Variants in ECD observed in about 807,000 individuals in gnomAD.
ECD encodes the protein protein ecdysoneless homolog.
A neutral mutation model predicts 77.2 loss-of-function variants in ECD; 59 were observed. The observed-to-expected ratio is 0.76, with a 90% CI of 0.62 to 0.95. The LOEUF is 0.95. ECD is among the 40% of genes least tolerant of loss of function. The probability of loss-of-function intolerance (pLI) is 0.00; values close to 1 mark genes in which losing one functional copy is unlikely to be tolerated. For missense variants in ECD, 704 were observed against 763.4 expected (o/e 0.92, Z 0.92); for synonymous variants, 233 against 267.4 (o/e 0.87, Z 1.26).
intron 3 of ECD, among the ~76,000 whole-genome samples, chr10:73,159,736 C>G (rs1260020460): frequency 6.7e-6 from 1 of 150,178 alleles, no homozygotes; most frequent in Non-Finnish European, 1.5e-5. Context: ...CTCCGCCTCC[C>G]AGGTTCAAGC....
chr10:73,137,240 C>T (rs1300934992), intron 12 of ECD, among the ~76,000 whole-genome samples: 2 of 151,966 alleles, frequency 1.3e-5, no homozygotes, highest in Non-Finnish European at 2.9e-5. Flanking sequence ...TTGATGTAAA[C>T]ATTCAAGCCA....
intron 1 of ECD, among the ~76,000 whole-genome samples, chr10:73,166,743 T>C (rs1843473676): frequency 6.6e-6 from 1 of 152,222 alleles, no homozygotes; most frequent in Non-Finnish European, 1.5e-5. Context: ...TTGCAAATAT[T>C]TTCTCCCATT....
intron 3 of ECD, among the ~76,000 whole-genome samples, chr10:73,158,996 G>T (rs1843339840): frequency 6.6e-6 from 1 of 152,192 alleles, no homozygotes. Context: ...AGGATCAAAT[G>T]ACAGCTACAG....
Position 73,135,229 on chromosome 10 carries a change from G to A in ECD, c.1705-416C>T, listed in dbSNP as rs541540595. Reference sequence around the variant, plus strand: ...GCGAGTGTTCCTTTCTTTCCCCCCAGTGAAAAAGCTTAAAAGTAAAAACAC... The same window carrying A: ...GCGAGTGTTCCTTTCTTTCCCCCCAATGAAAAAGCTTAAAAGTAAAAACAC... On this transcript the variant is annotated intron_variant, in intron 13 of 13. Transcript: ENST00000372979. Among the ~76,000 whole-genome samples, 5 of 152,202 alleles carry A rather than the reference G, an allele frequency of 3.3e-5. No individual in the cohort carries two copies. In the South Asian group the frequency reaches 1.0e-3, roughly 32 times the overall value.
intron 7 of ECD, among the ~76,000 whole-genome samples, chr10:73,151,400 A>G (rs1285044501): frequency 2.3e-5 from 3 of 131,478 alleles, no homozygotes; most frequent in Non-Finnish European, 4.9e-5. Context: ...GGGGGGAGGG[A>G]CAGCATTAGG....
Position 73,154,419 on chromosome 10 carries a change from T to C in ECD, c.620A>G (p.His207Arg), listed in dbSNP as rs1284519913. ...GYPEKIQASL[H>R]RAHCFLPAGI... is the part of the protein sequence containing the mutation. ...AGCTGGAAGGAAGCAGTGTGCTCGA[T>C]GAAGTGAGGCCTGAATTTTTTCTGG... is the stretch of plus-strand genomic sequence containing the variant. The change falls in exon 6 of 14, where the codon CAT becomes CGT. Residue 207 changes from histidine to arginine, a missense_variant. His to Arg is a conservative substitution (Grantham distance 29, BLOSUM62 0). Around this residue, in one of 3 missense-constraint regions of ECD, gnomAD observed 559 missense variants for 583.7 expected, o/e 0.96. Transcript: ENST00000372979. The C allele has an allele frequency of 6.8e-6, 11 of 1,612,168 alleles. No homozygotes were observed. The highest frequency in any genetic ancestry group is 9.3e-6 in the Non-Finnish European group (11 of 1,179,592).
At chr10:73,151,366 G>A (rs1004698193) in intron 7 of ECD, among the ~76,000 whole-genome samples, 6 of 131,180 alleles carry the variant, frequency 4.6e-5, no homozygotes, top group African/African-American at 1.1e-4. Flanking sequence ...ATCACACACC[G>A]GGGCCTGTTG....
At chr10:73,166,154 A>C (rs1843455842) in intron 1 of ECD, among the ~76,000 whole-genome samples, 2 of 151,054 alleles carry the variant, frequency 1.3e-5, no homozygotes. Context: ...CAAATAACAG[A>C]ATCTCATTTT....
chr10:73,156,695 T>C (rs1472282966), intron 3 of ECD, 40 bp from the exon 4 acceptor site: 1 of 1,556,690 alleles, frequency 6.4e-7, no homozygotes, highest in Non-Finnish European at 8.8e-7. Flanking sequence ...TCAAAAAGCA[T>C]ATATCTGCTA....
Position 73,139,401 on chromosome 10 carries a change from C to T in ECD, c.1329G>A (p.Glu443=), listed in dbSNP as rs1420172613. Residue 443 remains glutamate, a synonymous_variant, in exon 11 of 14, where the codon GAG becomes GAA. Coordinates refer to ENST00000372979, the MANE Select transcript of ECD (RefSeq NM_007265.3). ...CAGTTAAGTCATAGTTCTGCTCCTTCTCCTCCTTGGAAACAGACTCGGATT... is the reference window on the plus strand; with the variant it reads ...CAGTTAAGTCATAGTTCTGCTCCTTTTCCTCCTTGGAAACAGACTCGGATT... The part of the protein sequence containing the change: ...KKESESVSKE[E]KEQNYDLTEV... 6.2e-7 allele frequency: 1 copy of T among 1,614,036 alleles called. No homozygotes were observed. The highest frequency in any genetic ancestry group is 1.3e-5 in the African/African-American group (1 of 74,918).
intron 1 of ECD, 58 bp from the exon 2 acceptor site, chr10:73,164,008 A>C: frequency 6.9e-7 from 1 of 1,457,452 alleles, no homozygotes; most frequent in South Asian, 1.2e-5. Flanking sequence ...TAACATCTGA[A>C]CTCTTTTAGA....
chr10:73,148,725 G>A (rs776143866), intron 7 of ECD, among the ~76,000 whole-genome samples: 48 of 151,906 alleles, frequency 3.2e-4, no homozygotes, highest in Admixed American at 1.1e-3. Context: ...TTATGAACAG[G>A]GTTACAAAAG....
chr10:73,159,641 A>C (rs1347251200), intron 3 of ECD, among the ~76,000 whole-genome samples: 3 of 131,858 alleles, frequency 2.3e-5, no homozygotes, highest in African/African-American at 1.0e-4. Flanking sequence ...ACAGTACTTT[A>C]ATTTTTTTTT....
In ECD at chr10:73,157,810, T is replaced by C. The variant is rs1483558681; in HGVS notation, c.324-1155A>G. On this transcript the variant is annotated intron_variant, in intron 3 of 13. Coordinates refer to ENST00000372979, the MANE Select transcript of ECD (RefSeq NM_007265.3). ...CCCTACATGCATCACTGCTGTTTCTTGTATATCCTTCTAGAGTTTGCTTAC... is the reference window on the plus strand; with the variant it reads ...CCCTACATGCATCACTGCTGTTTCTCGTATATCCTTCTAGAGTTTGCTTAC... Among the ~76,000 whole-genome samples, 6 of 152,106 alleles carry C rather than the reference T, an allele frequency of 3.9e-5. No homozygotes were observed. The East Asian group carries it at 1.2e-3, about 29-fold the overall frequency.
rs368382192 is a variant in ECD at position 73,139,855 on chromosome 10, T to TG, written c.1128-119_1128-118insC. 6.0e-4 allele frequency: 396 copies of TG among 663,564 alleles called. 4 individuals are homozygous for TG. The African/African-American group carries it at 6.5e-3, about 11-fold the overall frequency. The allele number at this position is 663,564 out of a possible 1,614,324, so 41.1% of individuals were successfully genotyped here. A position where few individuals can be genotyped will look rare whatever the true frequency, so the allele number is the denominator to read the frequency against. On this transcript the variant is annotated intron_variant, in intron 9 of 13. Transcript: ENST00000372979. ...CTAGTCTAATTTGGGGAGTGTTTTTTTTTTTTTTTTTTAAGAGATGGGGTT... is the reference window on the plus strand; with the variant it reads ...CTAGTCTAATTTGGGGAGTGTTTTTTGTTTTTTTTTTTTAAGAGATGGGGTT...
intron 1 of ECD, among the ~76,000 whole-genome samples, chr10:73,165,082 T>G (rs1251832656): frequency 6.6e-6 from 1 of 152,294 alleles, no homozygotes; most frequent in Middle Eastern, 3.4e-3. Context: ...ACTTTCTCTT[T>G]CTGGGTTTTT....
intron 9 of ECD, 112 bp from the exon 10 acceptor site, chr10:73,139,849 GTTTTTTTT>G (rs79373628): frequency 6.9e-6 from 3 of 436,032 alleles, no homozygotes; most frequent in Admixed American, 4.5e-5. Flanking sequence ...TTTGGGGAGT[GTTTTTTTT>G]TTTTTTTTTT....
At chr10:73,152,444 C>T in intron 6 of ECD, 23 bp from the exon 7 acceptor site, 1 of 1,602,596 alleles carries the variant, frequency 6.2e-7, no homozygotes, top group South Asian at 1.1e-5. Flanking sequence ...ACACAAAATA[C>T]ATGAGTCTTT....
intron 9 of ECD, among the ~76,000 whole-genome samples, chr10:73,145,433 T>C (rs1843111315): frequency 6.6e-6 from 1 of 152,110 alleles, no homozygotes; most frequent in African/African-American, 2.4e-5. Flanking sequence ...AATTCAGCTA[T>C]TTTAAAAAAA....
Sources: allele counts gnomAD v4.1 joint callset (sites outside exome capture counted in the v4.1 genomes callset), GRCh38; gene constraint gnomAD v4.1.1; regional missense constraint gnomAD v4.1.1; transcripts MANE v1.5; gene names NCBI Gene and HGNC (gene_info 2026-07-23, HGNC 2026-07-21).